The following TPGS2 variants were observed in gnomAD, a reference collection of about 807,000 sequenced individuals.
TPGS2 encodes polyglutamylase subunit 2.
A neutral mutation model predicts 31.1 loss-of-function variants in TPGS2; 26 were observed. The observed-to-expected ratio is 0.84, with a 90% CI of 0.61 to 1.16. The LOEUF (loss-of-function observed/expected upper bound fraction) is 1.16. TPGS2 is among the 50% of genes most tolerant of loss of function. TPGS2 has a pLI of 0.00. For missense variants in TPGS2, 351 were observed against 363.8 expected, an observed-to-expected ratio of 0.96 and a Z score of 0.29; for synonymous variants, 130 against 136.6, an observed-to-expected ratio of 0.95 and a Z score of 0.34.
chr18:36,799,061 AAGG>A (rs1482410318), intron 5 of TPGS2, among the ~76,000 whole-genome samples: 1 of 152,208 alleles, frequency 6.6e-6, no homozygotes, highest in Non-Finnish European at 1.5e-5. Context: ...AACCACCATG[AAGG>A]AGCTTAGCCC....
intron 4 of TPGS2, among the ~76,000 whole-genome samples, chr18:36,804,477 A>G (rs1314393052): frequency 6.6e-6 from 1 of 152,148 alleles, no homozygotes; most frequent in Non-Finnish European, 1.5e-5. Flanking sequence ...AAATTCCACA[A>G]GTCTTTGTGT....
downstream of TPGS2, among the ~76,000 whole-genome samples, chr18:36,792,759 C>A (rs1372628733): frequency 1.3e-5 from 2 of 152,172 alleles, no homozygotes; most frequent in Non-Finnish European, 2.9e-5. Flanking sequence ...TGTGGATTAT[C>A]AGGTGCAGGC....
chr18:36,806,094 A>G (rs2045116913), intron 3 of TPGS2: 1 of 152,234 alleles, frequency 6.6e-6, no homozygotes, highest in Admixed American at 6.5e-5. Flanking sequence ...TTTGCTGAAA[A>G]AACTGGAATG....
intron 1 of TPGS2, among the ~76,000 whole-genome samples, chr18:36,819,775 A>G (rs1004186664): frequency 1.3e-5 from 2 of 152,206 alleles, no homozygotes; most frequent in African/African-American, 4.8e-5. Flanking sequence ...TTGAAGTCCT[A>G]ACCCCCAGTA....
In TPGS2 at chr18:36,803,136, A is replaced by T. The variant is rs551019656; in HGVS notation, c.382+2238T>A. Among the ~76,000 whole-genome samples, 3 of 152,312 alleles carry T rather than the reference A, an allele frequency of 2.0e-5. No homozygotes were observed. The South Asian group carries it at 6.2e-4, about 32-fold the overall frequency. On this transcript the variant is annotated intron_variant, in intron 4 of 6. Coordinates refer to ENST00000334295, the MANE Select transcript of TPGS2 (RefSeq NM_015476.4). ...TATTTATCATTTCTTTGCGGTGAGA[A>T]CATTTAAAATCCTTTCTTTTAGCTA...
At position 36,796,897 on chromosome 18, in the gene TPGS2, C is replaced by G; in HGVS notation, c.811G>C (p.Gly271Arg). The change falls in exon 7 of 7, where the codon GGT becomes CGT. Residue 271 changes from glycine to arginine, a missense_variant. By Grantham distance (125) the Gly-to-Arg change is moderately radical. Transcript: ENST00000334295. ...PKKKGPVQPA[G>R]GQKGPSGPSG... ...GGTCCTGAGGGCCCTTTCTGGCCAC[C>G]TGCAGGCTGCACAGGCCCTTTCTTT... is the stretch of plus-strand genomic sequence containing the variant. 1 of 1,611,562 alleles carries G rather than the reference C, an allele frequency of 6.2e-7. No homozygotes were observed. Among genetic ancestry groups the G allele is most frequent in the Non-Finnish European group, 8.5e-7 (1 of 1,179,120 alleles).
chr18:36,805,382 G>A lies in TPGS2; in HGVS notation c.374C>T (p.Thr125Ile). The A allele has an allele frequency of 1.2e-6, 2 of 1,613,890 alleles. No homozygotes were observed. Among genetic ancestry groups the A allele is most frequent in the South Asian group, 1.1e-5 (1 of 91,070 alleles). ...APTLADLEDDTHEASDDQPEK... is the reference protein window; with the variant it reads ...APTLADLEDDIHEASDDQPEK... ...CCTTGGTATCTTCCTACCTTCATGT[G>A]TATCGTCCTCCAGGTCTGCCAGAGT... The change falls in exon 4 of 7, where the codon ACA (threonine) becomes ATA (isoleucine). Residue 125 changes from threonine (T) to isoleucine (I), a missense_variant. Thr to Ile is a moderately conservative substitution (Grantham distance 89). Transcript: ENST00000334295.
At chr18:36,818,102 A>G (rs2045735591) in intron 2 of TPGS2, among the ~76,000 whole-genome samples, 1 of 152,182 alleles carries the variant, frequency 6.6e-6, no homozygotes, top group Admixed American at 6.5e-5. Context: ...TTGTGATCTC[A>G]GAACAATGTA....
At chr18:36,780,733 T>A (rs2043989969), downstream of TPGS2, among the ~76,000 whole-genome samples, 1 of 152,204 alleles carries the variant, frequency 6.6e-6, no homozygotes, top group Non-Finnish European at 1.5e-5. Flanking sequence ...TATTTGTGTT[T>A]GTAAATATAC....
intron 6 of TPGS2, chr18:36,787,045 C>G: frequency 7.3e-6 from 9 of 1,233,790 alleles, no homozygotes; most frequent in Non-Finnish European, 9.1e-6. Flanking sequence ...CCAGTGAACA[C>G]ATTTTCTTCT....
chr18:36,808,074 A>G (rs2045251082), intron 2 of TPGS2, 140 bp from the exon 3 acceptor site: 1 of 793,492 alleles, frequency 1.3e-6, no homozygotes, highest in South Asian at 1.7e-5. Context: ...ACAAAACTCT[A>G]TTAGAGAGGC....
intron 2 of TPGS2, among the ~76,000 whole-genome samples, chr18:36,817,433 C>CT (rs111810411): frequency 7.8e-4 from 110 of 141,130 alleles, no homozygotes; most frequent in East Asian, 1.5e-3. Flanking sequence ...TTCTTTCTTT[C>CT]TTTTTTTTTT....
Position 36,807,830 on chromosome 18 carries a change from C to T in TPGS2, c.253+17G>A, listed in dbSNP as rs750784118. On this transcript the variant is annotated intron_variant, in intron 3 of 6. Coordinates refer to ENST00000334295, the MANE Select transcript of TPGS2 (RefSeq NM_015476.4). ...TCTCAGCCAGGGAAATGTTCTCCTA[C>T]AAGGAGGCTGACTCACCATCCAGCT... 1 of 1,612,502 alleles carries T rather than the reference C, an allele frequency of 6.2e-7. No individual in the cohort carries two copies. Among genetic ancestry groups the T allele is most frequent in the South Asian group, 1.1e-5 (1 of 90,996 alleles).
chr18:36,805,552 C>G, intron 3 of TPGS2, 50 bp from the exon 4 acceptor site: 1 of 1,609,158 alleles, frequency 6.2e-7, no homozygotes, highest in South Asian at 1.1e-5. Context: ...AGCCTAGTTA[C>G]AATGGTTATC....
At chr18:36,804,648 G>T (rs947425894) in intron 4 of TPGS2, among the ~76,000 whole-genome samples, 2 of 152,162 alleles carry the variant, frequency 1.3e-5, no homozygotes, top group Admixed American at 1.3e-4. Flanking sequence ...GACATTAGTT[G>T]CCTATTCACT....
rs763981622 is a variant in TPGS2 at position 36,800,269 on chromosome 18, C to T, written c.425G>A (p.Ser142Asn). Residue 142 changes from serine (S) to asparagine (N), a missense_variant, in exon 5 of 7, where the codon AGT becomes AAT. Transcript: ENST00000334295. ...GCATGAATCCAGCTCAAATATCACA[C>T]TGCGAGAGTCAAAGTGAGGCTTCTC... is the stretch of plus-strand genomic sequence containing the variant. ...QPEKPHFDSRSVIFELDSCNG... is the reference protein window; with the variant it reads ...QPEKPHFDSRNVIFELDSCNG... The T allele has an allele frequency of 6.2e-6, 10 of 1,614,070 alleles. No individual in the cohort carries two copies. Among genetic ancestry groups the T allele is most frequent in the Non-Finnish European group, 7.6e-6 (9 of 1,180,040 alleles).
intron 6 of TPGS2, among the ~76,000 whole-genome samples, chr18:36,797,336 G>C (rs907926548): frequency 6.6e-6 from 1 of 151,962 alleles, no homozygotes. Flanking sequence ...AGTGAGTCCT[G>C]AGCCTGGGAT....
chr18:36,828,457 G>A (rs2046301285), intron 1 of TPGS2, among the ~76,000 whole-genome samples: 1 of 152,096 alleles, frequency 6.6e-6, no homozygotes, highest in African/African-American at 2.4e-5. Flanking sequence ...GTGAGTGGGG[G>A]AAACTTCAGG....
At chr18:36,826,963 C>T (rs1401495001) in intron 1 of TPGS2, among the ~76,000 whole-genome samples, 1 of 151,760 alleles carries the variant, frequency 6.6e-6, no homozygotes, top group Non-Finnish European at 1.5e-5. Context: ...TTGTCAAATG[C>T]TTTTTTTATT....
Sources: allele counts gnomAD v4.1 joint callset (sites outside exome capture counted in the v4.1 genomes callset), GRCh38; gene constraint gnomAD v4.1.1; transcripts MANE v1.5; gene names NCBI Gene and HGNC (gene_info 2026-07-23, HGNC 2026-07-21).